The following ADPGK variants were observed in gnomAD, a reference collection of about 807,000 sequenced individuals.
The protein encoded by ADPGK is ADP-dependent glucokinase.
In ADPGK, 26 loss-of-function variants were observed where a neutral mutation model predicts 42.4. The ratio of observed to expected loss-of-function variants is 0.61; its 90% confidence interval spans 0.45 to 0.85. The LOEUF is 0.85. Among genes scored for constraint, ADPGK ranks in the 40% least tolerant of loss-of-function variants. The pLI is 0.00. For missense variants in ADPGK, 571 were observed against 627.0 expected (o/e 0.91, Z 0.95); for synonymous variants, 267 against 252.6 (o/e 1.06, Z -0.54).
chr15:72,767,416 C>G (rs571702781), intron 3 of ADPGK, among the ~76,000 whole-genome samples: 2 of 149,214 alleles, frequency 1.3e-5, no homozygotes, highest in African/African-American at 4.9e-5. Flanking sequence ...ATATAGAAGA[C>G]TTGAACAACA....
intron 6 of ADPGK, 137 bp from the exon 7 acceptor site, chr15:72,753,032 G>T: frequency 2.4e-6 from 2 of 825,900 alleles, no homozygotes; most frequent in African/African-American, 1.7e-5. Flanking sequence ...CCCTGGCCCT[G>T]AAGTCACTGT....
intron 3 of ADPGK, among the ~76,000 whole-genome samples, chr15:72,761,529 G>C (rs1301843665): frequency 6.6e-6 from 1 of 151,996 alleles, no homozygotes; most frequent in Non-Finnish European, 1.5e-5. Flanking sequence ...CCTCCCTCTG[G>C]CTATTCTTTC....
intron 6 of ADPGK, among the ~76,000 whole-genome samples, chr15:72,754,191 C>T (rs2066083737): frequency 6.6e-6 from 1 of 151,894 alleles, no homozygotes. Context: ...GGATGTGGAA[C>T]CTGCAGATAG....
At chr15:72,774,776 C>CA in intron 2 of ADPGK, 96 bp downstream of exon 2, 1 of 1,184,366 alleles carries the variant, frequency 8.4e-7, no homozygotes, top group Non-Finnish European at 1.2e-6. Flanking sequence ...CCCTCCTCTT[C>CA]AAACTGGAAT....
At chr15:72,774,051 C>T (rs1161942583) in intron 2 of ADPGK, among the ~76,000 whole-genome samples, 1 of 152,158 alleles carries the variant, frequency 6.6e-6, no homozygotes, top group African/African-American at 2.4e-5. Context: ...CCATGTTGCC[C>T]AGGCTGGTCT....
intron 1 of ADPGK, among the ~76,000 whole-genome samples, chr15:72,777,535 G>A (rs1175515771): frequency 1.3e-5 from 2 of 152,064 alleles, no homozygotes; most frequent in Admixed American, 6.6e-5. Flanking sequence ...AAAATTAGCT[G>A]GGTGTGGTGG....
intron 1 of ADPGK, 31 bp from the exon 2 acceptor site, chr15:72,775,128 A>G: frequency 6.3e-7 from 1 of 1,582,728 alleles, no homozygotes; most frequent in South Asian, 1.1e-5. Flanking sequence ...GTGTGAAAGC[A>G]GCAGAAGCAC....
At chr15:72,757,775 T>C (rs1006390088) in intron 4 of ADPGK, 9 of 246,940 alleles carry the variant, frequency 3.6e-5, no homozygotes, top group Non-Finnish European at 7.1e-5. Context: ...TACATTGACA[T>C]TCTCCAGAGA....
rs8023358 is a variant in ADPGK, at chr15:72,760,504, A to G, written c.546T>C (p.Gly182=). The stretch of plus-strand genomic sequence containing the variant: ...CATCAAGAAGCTCATGTAGCTTTGG[A>G]CCAACTGGACCGCAAAGAAGAACCT... ...DLKVLLCGPV[G]PKLHELLDDN... The change falls in exon 4 of 7, where the codon GGT becomes GGC. Residue 182 remains glycine (G), a synonymous_variant. Coordinates refer to ENST00000456471, the MANE Select transcript of ADPGK (RefSeq NM_001365225.1). The G allele has an allele frequency of 0.15, 241,929 of 1,605,888 alleles. 19,539 individuals carry two copies. Among genetic ancestry groups the G allele is most frequent in the African/African-American group, 0.28 (21,006 of 74,664 alleles).
At chr15:72,780,741 C>A (rs1237675439) in intron 1 of ADPGK, among the ~76,000 whole-genome samples, 1 of 152,192 alleles carries the variant, frequency 6.6e-6, no homozygotes, top group Non-Finnish European at 1.5e-5. Flanking sequence ...CATGCCACTG[C>A]ACACGCCAGC....
In ADPGK at chr15:72,755,993, C is replaced by T. The variant is rs536913619; in HGVS notation, c.840+258G>A. 83 of 672,286 alleles carry T rather than the reference C, an allele frequency of 1.2e-4. No homozygotes were observed. In the African/African-American group the frequency reaches 1.3e-3, roughly 10 times the overall value. 41.6% of individuals were successfully genotyped at this position (672,286 alleles called of 1,614,324 possible). Reference sequence around the variant, plus strand: ...CACAAACTACAAACCCTGCAGCTTGCAGCCATGGTCGGTTTAGCACAGGAT... The same window carrying T: ...CACAAACTACAAACCCTGCAGCTTGTAGCCATGGTCGGTTTAGCACAGGAT... On this transcript the variant is annotated intron_variant, in intron 5 of 6. Transcript: ENST00000456471.
At chr15:72,771,699 C>A in intron 3 of ADPGK, 84 bp downstream of exon 3, 1 of 1,300,004 alleles carries the variant, frequency 7.7e-7, no homozygotes, top group Non-Finnish European at 1.1e-6. Flanking sequence ...TAAGTTGAAT[C>A]AAGGAATAGA....
Sources: gnomAD v4.1 joint callset for allele counts (sites outside exome capture counted in the v4.1 genomes callset) on GRCh38, gnomAD v4.1.1 for gene constraint, MANE v1.5 for transcripts, NCBI Gene and HGNC (gene_info 2026-07-23, HGNC 2026-07-21) for gene names.